The following AGBL1 variants were observed in gnomAD, a reference collection of about 807,000 sequenced individuals.
AGBL1 encodes AGBL carboxypeptidase 1.
In AGBL1, 130 loss-of-function variants were observed where a neutral mutation model predicts 118.9. The ratio of observed to expected loss-of-function variants is 1.09; its 90% CI spans 0.95 to 1.26. The LOEUF (loss-of-function observed/expected upper bound fraction) is 1.26. AGBL1 is among the 50% of genes most tolerant of loss of function. The pLI is 0.00. For synonymous variants in AGBL1, 555 were observed against 478.9 expected (o/e 1.16, Z -2.08); for missense variants, 1,584 against 1,298.1 (o/e 1.22, Z -3.38).
chr15:86,811,525 T>C (rs1265788006), intron 22 of AGBL1, among the ~76,000 whole-genome samples: 1 of 152,188 alleles, frequency 6.6e-6, no homozygotes, highest in Non-Finnish European at 1.5e-5. Context: ...CAACAGGCTT[T>C]CTTTTCTCTT....
chr15:86,117,598 A>G (rs571187788), intron 1 of AGBL1, among the ~76,000 whole-genome samples: 1 of 152,340 alleles, frequency 6.6e-6, no homozygotes, highest in East Asian at 1.9e-4. Context: ...TTTTTAGTGC[A>G]TATCAAGCAA....
chr15:86,431,893 C>T (rs1199205480), intron 18 of AGBL1, among the ~76,000 whole-genome samples: 1 of 152,138 alleles, frequency 6.6e-6, no homozygotes, highest in Non-Finnish European at 1.5e-5. Context: ...AAGGCTTCCC[C>T]TCCCTCCAGC....
In AGBL1 at chr15:86,541,689, G is replaced by A. The variant is rs541450855; in HGVS notation, c.2686-4313G>A. Among the ~76,000 whole-genome samples, 6 of 150,348 alleles carry A rather than the reference G, an allele frequency of 4.0e-5. No homozygotes were observed. The South Asian group carries it at 6.3e-4, about 16-fold the overall frequency. The stretch of plus-strand genomic sequence containing the variant: ...ATCATGCAAATCATGCAAGCCTCAC[G>A]TATTAGTAGCAATAGTAACTGAGGA... On this transcript the variant is annotated intron_variant, in intron 19 of 22. Transcript: ENST00000614907.
intron 22 of AGBL1, among the ~76,000 whole-genome samples, chr15:86,783,254 A>G (rs1431641866): frequency 6.6e-6 from 1 of 152,182 alleles, no homozygotes; most frequent in Non-Finnish European, 1.5e-5. Context: ...AGTCCTAAGA[A>G]TAAGTTCTGG....
At chr15:86,607,284 T>C (rs1415049462) in intron 21 of AGBL1, among the ~76,000 whole-genome samples, 2 of 152,198 alleles carry the variant, frequency 1.3e-5, no homozygotes, top group African/African-American at 2.4e-5. Context: ...TGGAAGCCAA[T>C]TGGGGTTTCT....
intron 23 of AGBL1, among the ~76,000 whole-genome samples, chr15:86,968,432 T>A (rs2117077): frequency 0.75 from 114,563 of 151,826 alleles, 43,416 homozygotes; most frequent in South Asian, 0.9. Flanking sequence ...AAACTTACAA[T>A]TAATTGCTTA....
At chr15:86,442,743 A>G (rs2142056811) in intron 18 of AGBL1, among the ~76,000 whole-genome samples, 1 of 152,352 alleles carries the variant, frequency 6.6e-6, no homozygotes, top group East Asian at 1.9e-4. Flanking sequence ...AAAGAACAAC[A>G]GCAAGAAAAG....
chr15:86,125,991 A>C (rs1898406012), intron 1 of AGBL1, among the ~76,000 whole-genome samples: 2 of 152,020 alleles, frequency 1.3e-5, no homozygotes, highest in African/African-American at 4.8e-5. Context: ...TGACCTATGA[A>C]AATTGTGACT....
At chr15:86,324,775 A>C (rs538154470) in intron 17 of AGBL1, among the ~76,000 whole-genome samples, 1 of 152,350 alleles carries the variant, frequency 6.6e-6, no homozygotes, top group East Asian at 1.9e-4. Context: ...CCTCTTTGAA[A>C]AGACATTTAA....
rs758062593 is a variant in AGBL1, at chr15:86,264,423, A to T, written c.1252A>T (p.Arg418Trp). 2 of 1,614,016 alleles carry T rather than the reference A, an allele frequency of 1.2e-6. No individual in the cohort carries two copies. The highest frequency in any genetic ancestry group is 1.7e-6 in the Non-Finnish European group (2 of 1,179,892). The part of the protein sequence containing the change: ...EYAVQTSLLC[R>W]VKTGRSTVHL... ...TGCTGTCCAGACTTCCCTTCTGTGC[A>T]GGGTGAAGACGGGAAGGTCCACTGT... The change falls in exon 11 of 23, where the codon AGG becomes TGG. Residue 418 changes from arginine to tryptophan, a missense_variant. Transcript: ENST00000614907.
At chr15:86,806,183 G>A (rs1303153067) in intron 22 of AGBL1, among the ~76,000 whole-genome samples, 2 of 152,074 alleles carry the variant, frequency 1.3e-5, no homozygotes, top group Non-Finnish European at 2.9e-5. Context: ...ACATTGTCAT[G>A]CATTTGGGAT....
intron 22 of AGBL1, among the ~76,000 whole-genome samples, chr15:86,702,868 G>A (rs2086384500): frequency 6.6e-6 from 1 of 151,196 alleles, no homozygotes; most frequent in Non-Finnish European, 1.5e-5. Flanking sequence ...AACCTCCAAT[G>A]ACTTGGACTA....
At position 86,154,362 on chromosome 15, in the gene AGBL1, A is replaced by G; in HGVS notation, c.263-68A>G. On this transcript the variant is annotated intron_variant, in intron 3 of 22. Coordinates refer to ENST00000614907, the MANE Select transcript of AGBL1 (RefSeq NM_001386094.1). ...TCCTTCACCATCTTCCCCTTCCTCC[A>G]CTGTACTCATTGTACAATCCAGAAT... is the stretch of plus-strand genomic sequence containing the variant. The G allele has an allele frequency of 1.9e-6, 3 of 1,539,642 alleles. No homozygotes were observed. The South Asian group carries it at 3.6e-5, about 19-fold the overall frequency.
intron 18 of AGBL1, among the ~76,000 whole-genome samples, chr15:86,513,838 G>T (rs544550577): frequency 6.6e-6 from 1 of 152,058 alleles, no homozygotes; most frequent in African/African-American, 2.4e-5. Flanking sequence ...AAATCTTACT[G>T]CATTTCACCA....
intron 17 of AGBL1, among the ~76,000 whole-genome samples, chr15:86,301,067 T>C (rs2079736544): frequency 6.6e-6 from 1 of 152,156 alleles, no homozygotes; most frequent in African/African-American, 2.4e-5. Context: ...AGCCTCCTGA[T>C]CAGGTGTGAA....
chr15:86,154,432 A>C lies in AGBL1; in HGVS notation c.265A>C (p.Lys89Gln), dbSNP rs2141690307. 1 of 1,611,780 alleles carries C rather than the reference A, an allele frequency of 6.2e-7. No homozygotes were observed. Among genetic ancestry groups the C allele is most frequent in the African/African-American group, 1.3e-5 (1 of 75,002 alleles). The change falls in exon 4 of 23, where the codon AAA becomes CAA. Residue 89 changes from lysine to glutamine, a missense_variant and splice_region_variant. Lys to Gln is a moderately conservative substitution (Grantham distance 53, BLOSUM62 1). Transcript: ENST00000614907. ...GATAGATTGATTTGTGTTCTTAGATAAAAAGATTGGACGGAAGGCCCTAGA... is the reference window on the plus strand; with the variant it reads ...GATAGATTGATTTGTGTTCTTAGATCAAAAGATTGGACGGAAGGCCCTAGA... ...RLLAKVGLRD[K>Q]KIGRKALELE...
chr15:86,185,657 C>CA (rs1192755636), intron 5 of AGBL1, among the ~76,000 whole-genome samples: 1 of 144,068 alleles, frequency 6.9e-6, no homozygotes, highest in East Asian at 2.1e-4. Flanking sequence ...ATCTCAAGGA[C>CA]AAAAAACCAA....
Position 86,663,995 on chromosome 15 carries a change from T to C in AGBL1, c.2995-10278T>C, listed in dbSNP as rs1471583493. On this transcript the variant is annotated intron_variant, in intron 21 of 22. Coordinates refer to ENST00000614907, the MANE Select transcript of AGBL1 (RefSeq NM_001386094.1). ...TTTTGCTGTCTGCTGTGGTCATTCA[T>C]GGTGTAGGGACAATTTCACCAATAA... Among the ~76,000 whole-genome samples the C allele has an allele frequency of 4.6e-5, 7 of 152,142 alleles. 1 individual carries two copies. The highest frequency in any genetic ancestry group is 4.1e-4 in the South Asian group (2 of 4,828).
intron 24 of AGBL1, among the ~76,000 whole-genome samples, chr15:87,027,169 A>T (rs1045711942): frequency 2.6e-5 from 4 of 152,088 alleles, no homozygotes; most frequent in Non-Finnish European, 4.4e-5. Flanking sequence ...TGTGGCTAAC[A>T]TATGAAAAAT....
Sources: allele counts gnomAD v4.1 joint callset (sites outside exome capture counted in the v4.1 genomes callset), GRCh38; gene constraint gnomAD v4.1.1; transcripts MANE v1.5; gene names NCBI Gene and HGNC (gene_info 2026-07-23, HGNC 2026-07-21).